Variants in KIF1B observed in about 807,000 individuals in gnomAD.
The protein encoded by KIF1B is kinesin-like protein KIF1B.
A neutral mutation model predicts 241.9 loss-of-function variants in KIF1B; 76 were observed. That is an observed-to-expected ratio of 0.31 (90% CI 0.26 to 0.38). KIF1B has a LOEUF of 0.38. KIF1B is among the 10% of genes least tolerant of loss of function. The pLI is 1.00. For missense variants in KIF1B, 1,622 were observed against 2,271.4 expected, an observed-to-expected ratio of 0.71 and a Z score of 5.81; for synonymous variants, 750 against 796.7, an observed-to-expected ratio of 0.94 and a Z score of 0.99.
At chr1:10,228,365 A>T (rs115959182) in intron 1 of KIF1B, among the ~76,000 whole-genome samples, 50,943 of 150,966 alleles carry the variant, frequency 0.34, 8,681 homozygotes, top group Admixed American at 0.38. Context: ...GAAGTTTTTA[A>T]AAAAAAAAGT....
chr1:10,256,331 C>T lies in KIF1B; in HGVS notation c.183+8C>T. The T allele has an allele frequency of 6.3e-7, 1 of 1,584,962 alleles. No individual in the cohort carries two copies. The highest frequency in any genetic ancestry group is 8.7e-7 in the Non-Finnish European group (1 of 1,153,442). On this transcript the variant is annotated splice_region_variant and intron_variant, in intron 3 of 48. Transcript: ENST00000676179. ...TACTGGTCTCATACCTCAGTGAGTA[C>T]CCTCATGCCACAGCACTGCCAGCTC...
chr1:10,326,332 G>T lies in KIF1B; in HGVS notation c.2897G>T (p.Arg966Leu). ...FSDGHDPFYD[R>L]SPWFILVGRA... ...GACGGGCATGACCCGTTTTACGACC[G>T]ATCCCCTTGGTTCATTTTAGTGGGA... Residue 966 changes from arginine (R) to leucine (L), a missense_variant, in exon 27 of 49, where the codon CGA (arginine) becomes CTA (leucine). Physicochemically the swap from Arg to Leu is moderately radical, Grantham distance 102. Transcript: ENST00000676179. This position sits in a 1 kb window ranked among gnomAD's most constrained non-coding sequence, Gnocchi z 5.2. 6.2e-7 allele frequency: 1 copy of T among 1,614,180 alleles called. No homozygotes were observed. The highest frequency in any genetic ancestry group is 2.2e-5 in the East Asian group (1 of 44,890).
chr1:10,364,282 G>A (rs2102348759), intron 41 of KIF1B, among the ~76,000 whole-genome samples: 1 of 143,996 alleles, frequency 6.9e-6, no homozygotes, highest in South Asian at 2.2e-4. Context: ...TTGGCTCACT[G>A]CAACCTCTGC....
intron 1 of KIF1B, among the ~76,000 whole-genome samples, chr1:10,218,034 G>A (rs1646791468): frequency 1.3e-5 from 2 of 152,108 alleles, no homozygotes; most frequent in South Asian, 4.1e-4. Flanking sequence ...AAAGGGCTGG[G>A]GGGAGGAAAA....
At chr1:10,293,234 A>G (rs557993930) in intron 17 of KIF1B, among the ~76,000 whole-genome samples, 1 of 152,062 alleles carries the variant, frequency 6.6e-6, no homozygotes, top group African/African-American at 2.4e-5. Context: ...TCACAGTTTT[A>G]ATAGTTTTTC....
At chr1:10,370,368 C>A (rs1356815554) in intron 44 of KIF1B, among the ~76,000 whole-genome samples, 1 of 151,954 alleles carries the variant, frequency 6.6e-6, no homozygotes, top group African/African-American at 2.4e-5. Context: ...TCAAGACGAG[C>A]CTGGGCAACA....
chr1:10,334,671 A>G lies in KIF1B; in HGVS notation c.3043+33A>G, dbSNP rs113369212. ...ACCCTCTTCTGAAATGAGAGCTGTG[A>G]GTTCTTTGTCTAGAGACAAAGCAGG... On this transcript the variant is annotated intron_variant, in intron 28 of 48. Coordinates refer to ENST00000676179, the MANE Select transcript of KIF1B (RefSeq NM_001365951.3). 3,355 of 1,526,128 alleles carry G rather than the reference A, an allele frequency of 2.2e-3. 63 individuals are homozygous for G. In the African/African-American group the frequency reaches 0.041, roughly 19 times the overall value. 94.5% of individuals were successfully genotyped at this position (1,526,128 alleles called of 1,614,324 possible).
intron 22 of KIF1B, among the ~76,000 whole-genome samples, chr1:10,317,898 A>G (rs1266853157): frequency 6.6e-6 from 1 of 151,080 alleles, no homozygotes; most frequent in Admixed American, 6.6e-5. Flanking sequence ...ACGTGTTTTT[A>G]AAATGGTTCA....
chr1:10,375,375 TAAG>T lies in KIF1B; in HGVS notation c.5408+6_5408+8del. The T allele has an allele frequency of 6.2e-7, 1 of 1,605,580 alleles. No homozygotes were observed. Among genetic ancestry groups the T allele is most frequent in the Non-Finnish European group, 8.5e-7 (1 of 1,172,760 alleles). ...CCCACTTCTAGCTGGCACAATACGG[TAAG>T]AAGTTTTGTTGTTGTTGTTGTTGTT... is the stretch of plus-strand genomic sequence containing the variant. On this transcript the variant is annotated splice_donor_5th_base_variant and intron_variant, in intron 48 of 48. Transcript: ENST00000676179.
chr1:10,229,609 C>T (rs1299340743), intron 1 of KIF1B, among the ~76,000 whole-genome samples: 2 of 152,016 alleles, frequency 1.3e-5, no homozygotes, highest in Non-Finnish European at 2.9e-5. Context: ...GTAATCCCAG[C>T]ACTTTGGGAG....
At chr1:10,270,865 G>A (rs1022603977) in intron 7 of KIF1B, among the ~76,000 whole-genome samples, 6 of 151,230 alleles carry the variant, frequency 4.0e-5, no homozygotes, top group Admixed American at 2.6e-4. Flanking sequence ...GGTGGAGGTT[G>A]CAGTGAGCCA....
chr1:10,365,217 A>T lies in KIF1B; in HGVS notation c.4484A>T (p.Glu1495Val). The change falls in exon 42 of 49, where the codon GAG (glutamate) becomes GTG (valine). Residue 1495 changes from glutamate (E) to valine (V), a missense_variant. Physicochemically the swap from Glu to Val is moderately radical, Grantham distance 121. Around this residue, in one of 7 missense-constraint regions of KIF1B, gnomAD observed 357 missense variants for 409.0 expected, o/e 0.87. Transcript: ENST00000676179. This position sits in a 1 kb window ranked among gnomAD's most constrained non-coding sequence, Gnocchi z 4.0. ...AGCCTCATCCTTGAGCACCAGTGGG[A>T]GCTGGAGAAGCTGGAGCTCCTACAT... ...GDSLILEHQW[E>V]LEKLELLHEV... 3 of 1,613,986 alleles carry T rather than the reference A, an allele frequency of 1.9e-6. No homozygotes were observed. The highest frequency in any genetic ancestry group is 2.5e-6 in the Non-Finnish European group (3 of 1,179,970).
intron 17 of KIF1B, chr1:10,292,377 A>G (rs997334091): frequency 7.0e-6 from 3 of 426,324 alleles, no homozygotes; most frequent in African/African-American, 6.0e-5. Flanking sequence ...GCCATGATTC[A>G]GTTTGTTTAG....
rs887776375 is a variant in KIF1B at position 10,374,041 on chromosome 1, T to G, written c.4947-275T>G. On this transcript the variant is annotated intron_variant, in intron 45 of 48. Transcript: ENST00000676179. The surrounding 1 kb of genome is among the most constrained non-coding windows in gnomAD (Gnocchi z 4.3). ...TAGAGTTCCTATTCCAGATAATGTG[T>G]TCAGAGGGCTTTAATATAGGCAGAG... 6.6e-6 allele frequency among the ~76,000 whole-genome samples: 1 copy of G among 152,196 alleles called. No homozygotes were observed. The highest frequency in any genetic ancestry group is 2.1e-4 in the South Asian group (1 of 4,832).
chr1:10,375,786 G>GT (rs201620952), intron 48 of KIF1B, among the ~76,000 whole-genome samples: 2,142 of 69,432 alleles, frequency 0.031, 58 homozygotes, highest in Non-Finnish European at 0.042. Context: ...TTCTTTTCTT[G>GT]TTTTTTTTTT....
intron 41 of KIF1B, among the ~76,000 whole-genome samples, chr1:10,363,629 G>T (rs1338799919): frequency 2.0e-5 from 3 of 152,084 alleles, no homozygotes; most frequent in African/African-American, 7.2e-5. Context: ...GGAGGCAGAG[G>T]TTACAGTGAG....
At chr1:10,294,126 A>G (rs1650143731) in intron 17 of KIF1B, among the ~76,000 whole-genome samples, 1 of 151,970 alleles carries the variant, frequency 6.6e-6, no homozygotes, top group Non-Finnish European at 1.5e-5. Context: ...ATTCTTCCAC[A>G]TTTGCTGGCA....
intron 22 of KIF1B, among the ~76,000 whole-genome samples, chr1:10,311,466 G>C (rs12088368): frequency 0.042 from 6,423 of 151,280 alleles, 305 homozygotes; most frequent in African/African-American, 0.087. Flanking sequence ...ACCTGTCTCA[G>C]CCTCCCAAAG....
rs536228755 is a variant in KIF1B, at chr1:10,347,682, T to C, written c.3798-79T>C. ...GAGAAAGACATGGGATCAGAATTTA[T>C]CAAAACAAAGACCACCAGGGGCTAA... On this transcript the variant is annotated intron_variant, in intron 35 of 48. Coordinates refer to ENST00000676179, the MANE Select transcript of KIF1B (RefSeq NM_001365951.3). 247 of 1,188,572 alleles carry C rather than the reference T, an allele frequency of 2.1e-4. No homozygotes were observed. The African/African-American group carries it at 3.0e-3, about 15-fold the overall frequency. 73.6% of individuals were successfully genotyped at this position (1,188,572 alleles called of 1,614,324 possible). A position where few individuals can be genotyped will look rare whatever the true frequency, so the allele number is the denominator to read the frequency against.
Sources: allele counts gnomAD v4.1 joint callset (sites outside exome capture counted in the v4.1 genomes callset), GRCh38; gene constraint gnomAD v4.1.1; regional missense constraint gnomAD v4.1.1; non-coding constraint Gnocchi (gnomAD v3.1); transcripts MANE v1.5; gene names NCBI Gene and HGNC (gene_info 2026-07-23, HGNC 2026-07-21).